The following CREBBP variants were observed in gnomAD, a reference collection of about 807,000 sequenced individuals.
CREBBP encodes CREB binding lysine acetyltransferase, also known as CREB-binding protein.
Under a neutral mutation model 265.0 loss-of-function variants are expected in CREBBP, and 19 were observed. The ratio of observed to expected loss-of-function variants is 0.07; its 90% CI spans 0.05 to 0.11. CREBBP has a LOEUF of 0.11. Among genes scored for constraint, CREBBP ranks in the 10% least tolerant of loss-of-function variants. The pLI is 1.00. For synonymous variants in CREBBP, 1,457 were observed against 1,223.7 expected, an observed-to-expected ratio of 1.19 and a Z score of -3.98; for missense variants, 2,525 against 3,219.0, an observed-to-expected ratio of 0.78 and a Z score of 5.22.
chr16:3,856,452 G>A (rs1490221945), intron 1 of CREBBP, among the ~76,000 whole-genome samples: 1 of 152,080 alleles, frequency 6.6e-6, no homozygotes, highest in Non-Finnish European at 1.5e-5. Context: ...GAGAGACAGG[G>A]TTTCGCCATG....
Position 3,736,167 on chromosome 16 carries a change from T to G in CREBBP, c.4597A>C (p.Ser1533Arg). 1 of 1,614,260 alleles carries G rather than the reference T, an allele frequency of 6.2e-7. No homozygotes were observed. The highest frequency in any genetic ancestry group is 8.5e-7 in the Non-Finnish European group (1 of 1,180,044). ...FKQATEDRLT[S>R]AKELPYFEGD... is the part of the protein sequence containing the mutation. ...TCAAAATAGGGCAGTTCCTTGGCAC[T>G]GGTGAGCCTGTCTTCAGTTGCTTGT... is the stretch of plus-strand genomic sequence containing the variant. Residue 1533 changes from serine to arginine, a missense_variant, in exon 28 of 31, where the codon AGT becomes CGT. Physicochemically the swap from Ser to Arg is moderately radical, Grantham distance 110. Around this residue, in one of 19 missense-constraint regions of CREBBP, gnomAD observed 93 missense variants for 161.5 expected, o/e 0.58. Transcript: ENST00000262367.
At chr16:3,854,971 G>A (rs183821572) in intron 1 of CREBBP, among the ~76,000 whole-genome samples, 2 of 152,148 alleles carry the variant, frequency 1.3e-5, no homozygotes, top group African/African-American at 4.8e-5. Flanking sequence ...ACTTCAGTAC[G>A]TATCTCCTAA....
At chr16:3,806,192 C>G (rs143526066) in intron 3 of CREBBP, among the ~76,000 whole-genome samples, 1 of 152,202 alleles carries the variant, frequency 6.6e-6, no homozygotes, top group East Asian at 1.9e-4. Flanking sequence ...GTGTCACTGC[C>G]GCAGCTGTGA....
At chr16:3,767,071 T>TCTA (rs2052872091) in intron 16 of CREBBP, among the ~76,000 whole-genome samples, 2 of 152,166 alleles carry the variant, frequency 1.3e-5, no homozygotes, top group African/African-American at 4.8e-5. Context: ...AAGGTTCACT[T>TCTA]GACAATTTTC....
rs138421579 is a variant in CREBBP, at chr16:3,834,151, T to C, written c.798+16146A>G. Among the ~76,000 whole-genome samples, 269 of 152,334 alleles carry C rather than the reference T, an allele frequency of 1.8e-3. 2 individuals are homozygous for C. Among genetic ancestry groups the C allele is most frequent in the African/African-American group, 6.2e-3 (256 of 41,580 alleles). On this transcript the variant is annotated intron_variant, in intron 2 of 30. Transcript: ENST00000262367. Reference sequence around the variant, plus strand: ...CGAGGATGTAGTGCAACAGGAACTCTCATTCATCACTGGTGGGAATGTAAA... The same window carrying C: ...CGAGGATGTAGTGCAACAGGAACTCCCATTCATCACTGGTGGGAATGTAAA...
At chr16:3,823,605 C>A (rs2054181657) in intron 2 of CREBBP, among the ~76,000 whole-genome samples, 2 of 152,148 alleles carry the variant, frequency 1.3e-5, no homozygotes, top group African/African-American at 4.8e-5. Context: ...TCTGCTTTTT[C>A]TCCTCAGACA....
chr16:3,731,126 A>G lies in CREBBP; in HGVS notation c.5172+66T>C, dbSNP rs1366265596. The G allele has an allele frequency of 3.2e-6, 5 of 1,555,020 alleles. No individual in the cohort carries two copies. The East Asian group carries it at 9.0e-5, about 28-fold the overall frequency. On this transcript the variant is annotated intron_variant, in intron 30 of 30. Transcript: ENST00000262367. The surrounding 1 kb of genome is among the most constrained non-coding windows in gnomAD (Gnocchi z 7.7). Reference sequence around the variant, plus strand: ...CAGACACCAACCCGGGCACCCATGCAAAGGGACAGGATGCTTCGTCAGACC... The same window carrying G: ...CAGACACCAACCCGGGCACCCATGCGAAGGGACAGGATGCTTCGTCAGACC...
At chr16:3,848,701 T>C (rs1051849130) in intron 2 of CREBBP, among the ~76,000 whole-genome samples, 2 of 152,102 alleles carry the variant, frequency 1.3e-5, no homozygotes, top group African/African-American at 2.4e-5. Flanking sequence ...CTCTCCAGAA[T>C]AGACAGAGTT....
At chr16:3,730,024 G>A in intron 30 of CREBBP, 150 bp from the exon 31 acceptor site, 1 of 1,330,110 alleles carries the variant, frequency 7.5e-7, no homozygotes, top group Non-Finnish European at 1.0e-6. Context: ...GCACGGACAG[G>A]TGGGAGACCC....
chr16:3,764,200 GGCCTCAAGTATTCCTCCT>G (rs2052792289), intron 16 of CREBBP, among the ~76,000 whole-genome samples: 1 of 151,046 alleles, frequency 6.6e-6, no homozygotes, highest in Non-Finnish European at 1.5e-5. Context: ...TTGAACTCCT[GGCCTCAAGTATTCCTCCT>G]GCCTTAGCCT....
chr16:3,747,523 T>C (rs1417449859), intron 21 of CREBBP, among the ~76,000 whole-genome samples: 1 of 152,192 alleles, frequency 6.6e-6, no homozygotes, highest in Non-Finnish European at 1.5e-5. Flanking sequence ...TGGGACTCAC[T>C]TGTACTGTCT....
At chr16:3,787,070 C>CAA (rs757962926) in intron 5 of CREBBP, among the ~76,000 whole-genome samples, 21 of 86,978 alleles carry the variant, frequency 2.4e-4, no homozygotes, top group African/African-American at 4.6e-4. Flanking sequence ...GACTTCGTCT[C>CAA]AAAAAAAAAA....
At chr16:3,741,315 T>C (rs2052201472) in intron 23 of CREBBP, 1 of 152,258 alleles carries the variant, frequency 6.6e-6, no homozygotes. Context: ...GACAATGAGA[T>C]TTTAAAAGAT....
intron 4 of CREBBP, 147 bp downstream of exon 4, chr16:3,793,239 G>A: frequency 9.4e-7 from 1 of 1,060,046 alleles, no homozygotes; most frequent in Middle Eastern, 2.0e-4. Context: ...GTCGCGTGGG[G>A]AACGTGAGCG....
rs1036381891 is a variant in CREBBP at position 3,731,057 on chromosome 16, C to T, written c.5172+135G>A. The T allele has an allele frequency of 1.2e-5, 11 of 909,198 alleles. No individual in the cohort carries two copies. The highest frequency in any genetic ancestry group is 7.2e-5 in the East Asian group (3 of 41,380). The allele number at this position is 909,198 out of a possible 1,614,324, so 56.3% of individuals were successfully genotyped here. A position where few individuals can be genotyped will look rare whatever the true frequency, so the allele number is the denominator to read the frequency against. Reference sequence around the variant, plus strand: ...CACAGCAACGCCTTCTGCCTTGTGACGCTGTCCTAGTTCTGGAGGAGTCAG... The same window carrying T: ...CACAGCAACGCCTTCTGCCTTGTGATGCTGTCCTAGTTCTGGAGGAGTCAG... On this transcript the variant is annotated intron_variant, in intron 30 of 30. Transcript: ENST00000262367. The surrounding 1 kb of genome is among the most constrained non-coding windows in gnomAD (Gnocchi z 7.7).
chr16:3,865,123 T>C (rs1277582671), intron 1 of CREBBP, among the ~76,000 whole-genome samples: 1 of 152,246 alleles, frequency 6.6e-6, no homozygotes, highest in Non-Finnish European at 1.5e-5. Flanking sequence ...TGTGCTGCCT[T>C]TCACATTTTA....
chr16:3,839,622 C>A (rs2054524932), intron 2 of CREBBP, among the ~76,000 whole-genome samples: 1 of 148,374 alleles, frequency 6.7e-6, no homozygotes, highest in African/African-American at 2.5e-5. Context: ...GCAGAGGTTG[C>A]AGTGAGCCGA....
At chr16:3,812,422 G>A (rs1397173761) in intron 2 of CREBBP, among the ~76,000 whole-genome samples, 2 of 151,746 alleles carry the variant, frequency 1.3e-5, no homozygotes, top group Admixed American at 6.6e-5. Context: ...CAGGTGATCC[G>A]CCCACCTTGG....
intron 23 of CREBBP, 160 bp from the exon 24 acceptor site, chr16:3,740,709 T>C: frequency 2.2e-6 from 2 of 897,340 alleles, no homozygotes; most frequent in Non-Finnish European, 3.5e-6. Flanking sequence ...GTGACACGAG[T>C]GTTATATAAA....
Sources: gnomAD v4.1 joint callset for allele counts (sites outside exome capture counted in the v4.1 genomes callset) on GRCh38, gnomAD v4.1.1 for gene constraint, gnomAD v4.1.1 regional missense constraint, Gnocchi (gnomAD v3.1) non-coding constraint, MANE v1.5 for transcripts, NCBI Gene and HGNC (gene_info 2026-07-23, HGNC 2026-07-21) for gene names.